Variants in DHX9 observed in about 807,000 individuals in gnomAD.
DHX9 encodes the protein ATP-dependent RNA helicase A.
In DHX9, 27 loss-of-function variants were observed where a neutral mutation model predicts 148.7. The ratio of observed to expected loss-of-function variants is 0.18; its 90% CI spans 0.13 to 0.25. The LOEUF is 0.25. DHX9 is among the 10% of genes least tolerant of loss of function. The pLI is 1.00. For missense variants in DHX9, 796 were observed against 1,559.6 expected, an observed-to-expected ratio of 0.51 and a Z score of 8.25; for synonymous variants, 529 against 516.6, an observed-to-expected ratio of 1.02 and a Z score of -0.33.
At chr1:182,876,411 G>GT (rs1648762227) in intron 17 of DHX9, 36 bp from the exon 18 acceptor site, 1 of 1,592,042 alleles carries the variant, frequency 6.3e-7, no homozygotes, top group East Asian at 2.2e-5. Flanking sequence ...ACCAGCTCCT[G>GT]TTTTTAGTCC....
rs753264489 is a variant in DHX9, at chr1:182,879,442, A to G, written c.2512+32A>G. ...ACAAATACAAACCTACTTGACGCAG[A>G]TATTAATCATACCATCTGTCTTGTT... On this transcript the variant is annotated intron_variant, in intron 21 of 27. Transcript: ENST00000367549. 36 of 1,404,282 alleles carry G rather than the reference A, an allele frequency of 2.6e-5. No homozygotes were observed. In the Admixed American group the frequency reaches 8.1e-4, roughly 31 times the overall value. The allele number at this position is 1,404,282 out of a possible 1,614,324, so 87.0% of individuals were successfully genotyped here.
intron 11 of DHX9, among the ~76,000 whole-genome samples, chr1:182,859,320 T>A (rs1424946564): frequency 6.6e-6 from 1 of 152,218 alleles, no homozygotes; most frequent in Non-Finnish European, 1.5e-5. Flanking sequence ...TAATGTAATT[T>A]AATAAAAGTG....
chr1:182,875,464 C>T (rs894836680), intron 16 of DHX9, among the ~76,000 whole-genome samples: 3 of 152,108 alleles, frequency 2.0e-5, no homozygotes, highest in African/African-American at 7.2e-5. Flanking sequence ...AGTATTAAAT[C>T]AGGGAGCAAT....
At chr1:182,856,758 A>G (rs1668258230) in intron 7 of DHX9, among the ~76,000 whole-genome samples, 180 bp downstream of exon 7, 2 of 152,264 alleles carry the variant, frequency 1.3e-5, no homozygotes, top group South Asian at 4.1e-4. Context: ...AAAGTCTCCC[A>G]GTTTGCATGT....
chr1:182,842,232 G>A (rs1336949164), intron 1 of DHX9, among the ~76,000 whole-genome samples: 4 of 152,052 alleles, frequency 2.6e-5, no homozygotes, highest in African/African-American at 9.7e-5. Flanking sequence ...AGAATATAGG[G>A]CCTTATATAA....
rs1453782219 is a variant in DHX9, at chr1:182,852,260, A to G, written c.280A>G (p.Thr94Ala). 21 of 1,611,364 alleles carry G rather than the reference A, an allele frequency of 1.3e-5. No homozygotes were observed. The highest frequency in any genetic ancestry group is 1.6e-5 in the Non-Finnish European group (19 of 1,179,024). ...GVASPPPLTD[T>A]PDTTANAEGD... ...AGCATCTCCGCCCCCACTTACTGAT[A>G]CTCCTGACACTACAGCAAATGCTGA... The change falls in exon 4 of 28, where the codon ACT (threonine) becomes GCT (alanine). Residue 94 changes from threonine (T) to alanine (A), a missense_variant. Thr to Ala is a moderately conservative substitution (Grantham distance 58, BLOSUM62 0). This residue lies in a region of DHX9 where 89 missense variants were observed against 77.5 expected (regional missense o/e 1.15). Transcript: ENST00000367549.
intron 12 of DHX9, among the ~76,000 whole-genome samples, chr1:182,861,820 A>G (rs886834569): frequency 6.6e-6 from 1 of 152,214 alleles, no homozygotes; most frequent in African/African-American, 2.4e-5. Flanking sequence ...CGTTTGTCCC[A>G]AAATCAGTCT....
chr1:182,846,435 T>C (rs1229224823), intron 3 of DHX9, among the ~76,000 whole-genome samples: 3 of 152,186 alleles, frequency 2.0e-5, no homozygotes, highest in African/African-American at 4.8e-5. Context: ...GGTTTCTCCA[T>C]GTTGGTCAGG....
intron 11 of DHX9, among the ~76,000 whole-genome samples, chr1:182,859,433 T>A (rs1035386891): frequency 2.0e-5 from 3 of 152,210 alleles, no homozygotes; most frequent in African/African-American, 7.2e-5. Flanking sequence ...GTGTGCGACT[T>A]TCAGGGACAA....
Position 182,858,353 on chromosome 1 carries a change from A to T in DHX9, c.810+113A>T. The T allele has an allele frequency of 2.3e-6, 3 of 1,289,608 alleles. No individual in the cohort carries two copies. The East Asian group carries it at 7.1e-5, about 30-fold the overall frequency. The allele number at this position is 1,289,608 out of a possible 1,614,324, so 79.9% of individuals were successfully genotyped here. On this transcript the variant is annotated intron_variant, in intron 8 of 27. Transcript: ENST00000367549. The stretch of plus-strand genomic sequence containing the variant: ...AAGAATCTTACCTCAGGAAATGAAA[A>T]TGGCCCTGCTAATCATCTCTGTGTC...
rs930008492 is a variant in DHX9 at position 182,859,895 on chromosome 1, C to T, written c.1141-98C>T. The T allele has an allele frequency of 1.1e-5, 13 of 1,219,126 alleles. 1 individual carries two copies. Among genetic ancestry groups the T allele is most frequent in the South Asian group, 6.0e-5 (4 of 66,204 alleles). The allele number at this position is 1,219,126 out of a possible 1,614,324, so 75.5% of individuals were successfully genotyped here. ...CTGGGATTACAGGCGTGAGCCACCG[C>T]GCCCAGTCTATAGAGATGGAAGTTT... On this transcript the variant is annotated intron_variant, in intron 11 of 27. Coordinates refer to ENST00000367549, the MANE Select transcript of DHX9 (RefSeq NM_001357.5).
At chr1:182,855,705 T>C in intron 6 of DHX9, 1 of 985,460 alleles carries the variant, frequency 1.0e-6, no homozygotes, top group Non-Finnish European at 1.2e-6. Context: ...GAAGCCGCTG[T>C]GCCTGAAGGT....
At chr1:182,841,285 C>G (rs1338252275) in intron 1 of DHX9, among the ~76,000 whole-genome samples, 1 of 148,232 alleles carries the variant, frequency 6.7e-6, no homozygotes, top group African/African-American at 2.6e-5. Flanking sequence ...AACGAGACTC[C>G]GTCTCAAAAA....
At position 182,860,134 on chromosome 1, in the gene DHX9, G is replaced by T. The variant is rs1357041306; in HGVS notation, c.1282G>T (p.Asp428Tyr). The change falls in exon 12 of 28, where the codon GAC (aspartate) becomes TAC (tyrosine). Residue 428 changes from aspartate (D) to tyrosine (Y), a missense_variant. Asp to Tyr is a radical substitution (Grantham distance 160, BLOSUM62 -3). Coordinates refer to ENST00000367549, the MANE Select transcript of DHX9 (RefSeq NM_001357.5). ...ACAGGTTCCCCAGTTCATTCTAGAT[G>T]ACTTTATCCAGAATGACCGAGCAGC... ...TTQVPQFILD[D>Y]FIQNDRAAEC... 6.2e-7 allele frequency: 1 copy of T among 1,613,322 alleles called. No individual in the cohort carries two copies. Among genetic ancestry groups the T allele is most frequent in the Non-Finnish European group, 8.5e-7 (1 of 1,179,814 alleles).
At position 182,853,348 on chromosome 1, in the gene DHX9, G is replaced by C; in HGVS notation, c.407G>C (p.Gly136Ala). Residue 136 changes from glycine to alanine, a missense_variant, in exon 5 of 28, where the codon GGG (glycine) becomes GCG (alanine). Coordinates refer to ENST00000367549, the MANE Select transcript of DHX9 (RefSeq NM_001357.5). ...EVGASGYGVP[G>A]PTWDRGANLK... ...GGGGCCTCTGGCTATGGTGTTCCTGGGCCCACCTGGGACCGAGGAGCCAAC... is the reference window on the plus strand; with the variant it reads ...GGGGCCTCTGGCTATGGTGTTCCTGCGCCCACCTGGGACCGAGGAGCCAAC... The C allele has an allele frequency of 1.9e-6, 3 of 1,613,684 alleles. No individual in the cohort carries two copies. The highest frequency in any genetic ancestry group is 2.5e-6 in the Non-Finnish European group (3 of 1,179,880).
chr1:182,854,192 A>G lies in DHX9; in HGVS notation c.626+14A>G, dbSNP rs919089529. 78 of 1,577,492 alleles carry G rather than the reference A, an allele frequency of 4.9e-5. No individual in the cohort carries two copies. Among genetic ancestry groups the G allele is most frequent in the Non-Finnish European group, 6.7e-5 (78 of 1,160,740 alleles). On this transcript the variant is annotated intron_variant, in intron 6 of 27. Coordinates refer to ENST00000367549, the MANE Select transcript of DHX9 (RefSeq NM_001357.5). ...TGATCACAACAGGTTTGCTTGTTTC[A>G]TTCTTTTCCTTCTGTAGTAAGTTAA...
intron 2 of DHX9, 132 bp downstream of exon 2, chr1:182,842,809 T>C: frequency 3.4e-6 from 2 of 595,172 alleles, no homozygotes; most frequent in East Asian, 3.0e-5. Flanking sequence ...GTGACTTGAC[T>C]GCTATTGTAA....
At chr1:182,875,094 T>C in intron 16 of DHX9, 140 bp downstream of exon 16, 1 of 750,032 alleles carries the variant, frequency 1.3e-6, no homozygotes, top group Non-Finnish European at 2.3e-6. Flanking sequence ...TTTGGATTAA[T>C]TGATGTATTT....
intron 3 of DHX9, among the ~76,000 whole-genome samples, chr1:182,846,770 A>T (rs999907689): frequency 3.2e-4 from 49 of 152,236 alleles, no homozygotes; most frequent in African/African-American, 1.1e-3. Context: ...CCATAGATTT[A>T]TGTATTTCAC....
Sources: gnomAD v4.1 joint callset for allele counts (sites outside exome capture counted in the v4.1 genomes callset) on GRCh38, gnomAD v4.1.1 for gene constraint, gnomAD v4.1.1 regional missense constraint, MANE v1.5 for transcripts, NCBI Gene and HGNC (gene_info 2026-07-23, HGNC 2026-07-21) for gene names.